PCGF6: variants seen among roughly 807,000 people sequenced by gnomAD.
The protein encoded by PCGF6 is polycomb group RING finger protein 6.
PCGF6 carries 24 observed loss-of-function variants against 45.5 expected under a neutral mutation model. The ratio of observed to expected loss-of-function variants is 0.53; its 90% CI spans 0.38 to 0.74. PCGF6 has a LOEUF of 0.74. Among genes scored for constraint, PCGF6 ranks in the 30% least tolerant of loss-of-function variants. The probability of loss-of-function intolerance (pLI) is 0.00; values close to 1 mark genes in which losing one functional copy is unlikely to be tolerated. For missense variants in PCGF6, 356 were observed against 443.2 expected, an observed-to-expected ratio of 0.80 and a Z score of 1.77; for synonymous variants, 152 against 162.1, an observed-to-expected ratio of 0.94 and a Z score of 0.47.
chr10:103,333,156 T>G (rs1233306901), intron 7 of PCGF6, among the ~76,000 whole-genome samples: 2 of 151,376 alleles, frequency 1.3e-5, no homozygotes, highest in Non-Finnish European at 2.9e-5. Context: ...GACTTAAAAC[T>G]GCATTCCCTC....
At chr10:103,345,282 C>T (rs1223686418) in intron 5 of PCGF6, 150 bp from the exon 6 acceptor site, 1 of 619,670 alleles carries the variant, frequency 1.6e-6, no homozygotes, top group Non-Finnish European at 2.7e-6. Flanking sequence ...ATTGGCTAAT[C>T]TGTCAAAGCC....
intron 5 of PCGF6, among the ~76,000 whole-genome samples, chr10:103,345,508 CTT>C (rs113103280): frequency 2.4e-4 from 35 of 148,024 alleles, no homozygotes; most frequent in African/African-American, 2.5e-4. Flanking sequence ...AGTGCTACTG[CTT>C]TTTTTTTTTT....
rs2093248364 is a variant in PCGF6, at chr10:103,333,925, C to T, written c.810G>A (p.Lys270=). The T allele has an allele frequency of 6.4e-7, 1 of 1,557,132 alleles. No individual in the cohort carries two copies. Among genetic ancestry groups the T allele is most frequent in the Non-Finnish European group, 8.6e-7 (1 of 1,156,196 alleles). The change falls in exon 7 of 10, where the codon AAG becomes AAA. Residue 270 remains lysine (K), a splice_region_variant and synonymous_variant. Transcript: ENST00000369847. The stretch of plus-strand genomic sequence containing the variant: ...ATGAATGAAAAAAAAAGTAAAATAC[C>T]TTAAAATGTCCCGTGCCTTCATTAG... ...IGANEGTGHF[K]PLEKKFVRVS...
At chr10:103,334,537 C>T (rs2093249993) in intron 6 of PCGF6, among the ~76,000 whole-genome samples, 1 of 152,212 alleles carries the variant, frequency 6.6e-6, no homozygotes, top group South Asian at 2.1e-4. Context: ...AGTCTAATTT[C>T]ATATTTTTCT....
intron 8 of PCGF6, among the ~76,000 whole-genome samples, chr10:103,325,397 G>C (rs1017073286): frequency 6.6e-6 from 1 of 151,974 alleles, no homozygotes; most frequent in African/African-American, 2.4e-5. Context: ...GGGATTACAG[G>C]TGTGTGCCAA....
chr10:103,315,484 C>T (rs28666634), intron 8 of PCGF6, among the ~76,000 whole-genome samples: 19 of 152,272 alleles, frequency 1.2e-4, no homozygotes, highest in East Asian at 7.7e-4. Flanking sequence ...CTCAGCCTCC[C>T]GAATAGCTGG....
At chr10:103,311,539 C>T (rs538703650) in intron 9 of PCGF6, among the ~76,000 whole-genome samples, 1 of 149,584 alleles carries the variant, frequency 6.7e-6, no homozygotes, top group Admixed American at 6.7e-5. Context: ...ACCTCCCGGG[C>T]TTGAAGCGAT....
intron 6 of PCGF6, among the ~76,000 whole-genome samples, chr10:103,342,598 T>C (rs921625392): frequency 1.3e-5 from 2 of 152,166 alleles, no homozygotes; most frequent in African/African-American, 4.8e-5. Context: ...TGTACTTGCG[T>C]ATTTTCCACC....
chr10:103,335,294 T>C (rs538984474), intron 6 of PCGF6, among the ~76,000 whole-genome samples: 2 of 151,746 alleles, frequency 1.3e-5, no homozygotes, highest in Admixed American at 1.3e-4. Context: ...CCTCAAGCCA[T>C]CCTTCTGCCT....
intron 3 of PCGF6, among the ~76,000 whole-genome samples, chr10:103,348,047 A>G (rs1592079723): frequency 6.6e-6 from 1 of 152,188 alleles, no homozygotes; most frequent in South Asian, 2.1e-4. Flanking sequence ...AATTTGAATA[A>G]TAAGCCACAA....
At chr10:103,332,197 C>T (rs1366892681) in intron 7 of PCGF6, among the ~76,000 whole-genome samples, 6 of 152,274 alleles carry the variant, frequency 3.9e-5, no homozygotes, top group Non-Finnish European at 8.8e-5. Context: ...GGTGATATTG[C>T]TACCATGTTT....
intron 6 of PCGF6, among the ~76,000 whole-genome samples, chr10:103,336,930 A>C (rs888466778): frequency 2.1e-4 from 32 of 152,170 alleles, no homozygotes; most frequent in Non-Finnish European, 4.4e-4. Context: ...TCACCCTGTA[A>C]CATATACCTA....
intron 5 of PCGF6, among the ~76,000 whole-genome samples, chr10:103,346,020 C>G (rs1338326414): frequency 2.0e-5 from 3 of 150,542 alleles, no homozygotes; most frequent in East Asian, 2.0e-4. Flanking sequence ...TGGTGAAACC[C>G]CATCTCTACT....
At chr10:103,333,098 AAC>A (rs1462887066) in intron 7 of PCGF6, among the ~76,000 whole-genome samples, 3 of 150,550 alleles carry the variant, frequency 2.0e-5, no homozygotes, top group Admixed American at 1.3e-4. Context: ...TAGCCTGGGC[AAC>A]AGAGGAAGAC....
chr10:103,313,518 T>G (rs2093164572), intron 9 of PCGF6, among the ~76,000 whole-genome samples: 3 of 152,104 alleles, frequency 2.0e-5, no homozygotes, highest in Admixed American at 6.5e-5. Flanking sequence ...TGAGCTGAGA[T>G]AGTGCCACTG....
intron 7 of PCGF6, among the ~76,000 whole-genome samples, chr10:103,327,015 G>A (rs1342148470): frequency 1.3e-5 from 2 of 152,154 alleles, no homozygotes; most frequent in Non-Finnish European, 2.9e-5. Context: ...GGCCGGGCAT[G>A]GTGGCTCACG....
intron 6 of PCGF6, among the ~76,000 whole-genome samples, chr10:103,340,673 T>C (rs1458110957): frequency 1.3e-5 from 2 of 152,046 alleles, no homozygotes; most frequent in Non-Finnish European, 2.9e-5. Context: ...CAAACCTCAC[T>C]GCAGCCTCAA....
At chr10:103,346,488 G>C (rs918269606) in intron 5 of PCGF6, among the ~76,000 whole-genome samples, 1 of 151,962 alleles carries the variant, frequency 6.6e-6, no homozygotes, top group African/African-American at 2.4e-5. Flanking sequence ...GCTTGGCGTA[G>C]TGGCGGGCGC....
intron 8 of PCGF6, among the ~76,000 whole-genome samples, chr10:103,316,011 T>TAGAGAGAG (rs1405037542): frequency 7.3e-4 from 95 of 129,816 alleles, no homozygotes; most frequent in Middle Eastern, 3.8e-3. Flanking sequence ...TATATATATA[T>TAGAGAGAG]ATAGAGAGAG....
Sources: gnomAD v4.1 joint callset for allele counts (sites outside exome capture counted in the v4.1 genomes callset) on GRCh38, gnomAD v4.1.1 for gene constraint, MANE v1.5 for transcripts, NCBI Gene and HGNC (gene_info 2026-07-23, HGNC 2026-07-21) for gene names.